Variants in NEB observed in about 807,000 individuals in gnomAD.
NEB encodes the protein nemaline myopathy type 2.
Under a neutral mutation model 952.2 loss-of-function variants are expected in NEB, and 512 were observed. The observed-to-expected ratio is 0.54, with a 90% CI of 0.50 to 0.58. The LOEUF (loss-of-function observed/expected upper bound fraction) is 0.58. NEB is among the 20% of genes least tolerant of loss of function. The pLI, the probability that NEB is intolerant of heterozygous loss-of-function variation, is 0.00. For missense variants in NEB, 8,428 were observed against 9,231.1 expected, an observed-to-expected ratio of 0.91 and a Z score of 3.56; for synonymous variants, 2,900 against 3,149.8, an observed-to-expected ratio of 0.92 and a Z score of 2.66.
chr2:151,650,682 C>T lies in NEB; in HGVS notation c.7119G>A (p.Gln2373=). ...MLGVVLAKKC[Q]ELVSDVDYKN... is the part of the protein sequence containing the mutation. ...TGTAGTCCACGTCACTAACCAACTC[C>T]TGACACTTCTTGGCCAGTACCACTC... Residue 2373 remains glutamine, a synonymous_variant, in exon 53 of 182, where the codon CAG becomes CAA. Transcript: ENST00000397345. 6.2e-7 allele frequency: 1 copy of T among 1,613,898 alleles called. No individual in the cohort carries two copies. The highest frequency in any genetic ancestry group is 8.5e-7 in the Non-Finnish European group (1 of 1,179,818).
Position 151,529,325 on chromosome 2 carries a change from A to G in NEB, c.21631-11T>C. On this transcript the variant is annotated splice_polypyrimidine_tract_variant and intron_variant, in intron 145 of 181. Coordinates refer to ENST00000397345, the MANE Select transcript of NEB (RefSeq NM_001164508.2). The stretch of plus-strand genomic sequence containing the variant: ...TTCTTTGTATTTCAGCTGTGGGAGG[A>G]AACACAGTGACAAGATTAATTTTTT... 1 of 1,540,630 alleles carries G rather than the reference A, an allele frequency of 6.5e-7. No individual in the cohort carries two copies. Among genetic ancestry groups the G allele is most frequent in the Non-Finnish European group, 9.0e-7 (1 of 1,113,134 alleles).
intron 157 of NEB, among the ~76,000 whole-genome samples, chr2:151,515,273 G>A (rs1035395031): frequency 1.3e-5 from 2 of 152,204 alleles, no homozygotes; most frequent in Non-Finnish European, 2.9e-5. Flanking sequence ...TTCTTAAGGT[G>A]ACAAAAGACT....
chr2:151,516,606 T>C, intron 156 of NEB, 43 bp from the exon 157 acceptor site: 2 of 1,268,166 alleles, frequency 1.6e-6, no homozygotes, highest in Non-Finnish European at 1.1e-6. Context: ...CTCTGGTCAA[T>C]TCCTAGACAG....
At chr2:151,702,406 A>G (rs940910671) in intron 13 of NEB, among the ~76,000 whole-genome samples, 23 of 152,066 alleles carry the variant, frequency 1.5e-4, no homozygotes, top group African/African-American at 5.3e-4. Context: ...GCTGAGTTCA[A>G]TTCCTTGATA....
chr2:151,636,428 C>T, intron 63 of NEB, 94 bp from the exon 64 acceptor site: 2 of 954,224 alleles, frequency 2.1e-6, no homozygotes. Context: ...ACAGACAGTG[C>T]CTATAATAAT....
At chr2:151,622,856 T>C (rs1054623978) in intron 71 of NEB, among the ~76,000 whole-genome samples, 3 of 152,214 alleles carry the variant, frequency 2.0e-5, no homozygotes, top group African/African-American at 7.2e-5. Flanking sequence ...TGCTTTTCTA[T>C]CCAGAATTCA....
At chr2:151,562,075 C>A (rs1472482840) in intron 121 of NEB, 35 bp downstream of exon 121, 9 of 1,527,618 alleles carry the variant, frequency 5.9e-6, no homozygotes, top group African/African-American at 1.4e-5. Context: ...TCTGATGACC[C>A]ATGGAGAACC....
At position 151,541,465 on chromosome 2, in the gene NEB, C is replaced by A; in HGVS notation, c.20664G>T (p.Gly6888=). 1 of 1,612,450 alleles carries A rather than the reference C, an allele frequency of 6.2e-7. No homozygotes were observed. The highest frequency in any genetic ancestry group is 8.5e-7 in the Non-Finnish European group (1 of 1,179,124). Residue 6888 remains glycine, a synonymous_variant, in exon 136 of 182, where the codon GGG becomes GGT. Transcript: ENST00000397345. ...AGCTTACCTGACTCTGAAGCTTCTG[C>A]CCTCGCTTGGCTCTTAAAAGATCAG... is the stretch of plus-strand genomic sequence containing the variant. ...DTPDLLRAKR[G]QKLQSQYLYV...
chr2:151,545,841 G>T, intron 135 of NEB, 47 bp downstream of exon 135: 2 of 1,190,310 alleles, frequency 1.7e-6, no homozygotes, highest in Non-Finnish European at 2.5e-6. Context: ...AATTCAGTTT[G>T]TACTGGTCAA....
intron 65 of NEB, among the ~76,000 whole-genome samples, chr2:151,632,778 G>A (rs960380366): frequency 6.6e-6 from 1 of 152,064 alleles, no homozygotes; most frequent in Admixed American, 6.5e-5. Flanking sequence ...TCATATCGCA[G>A]GGTGAGGAAG....
At chr2:151,566,046 TTGAGA>T (rs1366696740) in intron 114 of NEB, among the ~76,000 whole-genome samples, 1 of 152,056 alleles carries the variant, frequency 6.6e-6, no homozygotes, top group Non-Finnish European at 1.5e-5. Context: ...AGTCTAGGAG[TTGAGA>T]TAAGTCATTT....
At chr2:151,560,165 A>C (rs1427404221) in intron 124 of NEB, among the ~76,000 whole-genome samples, 2 of 152,210 alleles carry the variant, frequency 1.3e-5, no homozygotes, top group Non-Finnish European at 2.9e-5. Context: ...TTTCTATTTC[A>C]TTGCTATAAA....
Position 151,629,539 on chromosome 2 carries a change from A to C in NEB, c.9831T>G (p.Asp3277Glu), listed in dbSNP as rs2098613674. 3 of 1,609,194 alleles carry C rather than the reference A, an allele frequency of 1.9e-6. No individual in the cohort carries two copies. The highest frequency in any genetic ancestry group is 2.6e-6 in the Non-Finnish European group (3 of 1,175,574). The change falls in exon 68 of 182, where the codon GAT becomes GAG. Residue 3277 changes from aspartate (D) to glutamate (E), a missense_variant and splice_region_variant. This residue lies in a region of NEB where 1,772 missense variants were observed against 1,960.3 expected (regional missense o/e 0.90). Coordinates refer to ENST00000397345, the MANE Select transcript of NEB (RefSeq NM_001164508.2). ...AAATATCTAGGGTGTTGCTACTCAC[A>C]TCACTGATAACGTCCCTGGAGGCCT... Reference protein sequence around the residue: ...AAKASRDVISDYKYKDGYRKQ... With the variant: ...AAKASRDVISEYKYKDGYRKQ...
Position 151,671,029 on chromosome 2 carries a change from T to C in NEB, c.4500A>G (p.Leu1500=), listed in dbSNP as rs1417451316. ...MVLAQHNTKQ[L]SDLNYKVEGE... ...TTGAAAGGAAAGCACTCACATCACTTAGCTGCTTTGTGTTATGCTGAGCCA... is the reference window on the plus strand; with the variant it reads ...TTGAAAGGAAAGCACTCACATCACTCAGCTGCTTTGTGTTATGCTGAGCCA... Residue 1500 remains leucine (L), a synonymous_variant, in exon 38 of 182, where the codon CTA becomes CTG. Coordinates refer to ENST00000397345, the MANE Select transcript of NEB (RefSeq NM_001164508.2). 6.2e-7 allele frequency: 1 copy of C among 1,613,524 alleles called. No homozygotes were observed. The highest frequency in any genetic ancestry group is 1.1e-5 in the South Asian group (1 of 91,078).
intron 44 of NEB, 52 bp from the exon 45 acceptor site, chr2:151,663,911 T>C (rs1421682258): frequency 6.5e-7 from 1 of 1,527,224 alleles, no homozygotes. Flanking sequence ...GAGAACAAAG[T>C]ACCATTTGCT....
At chr2:151,655,763 C>T (rs1402568923) in intron 50 of NEB, 54 bp downstream of exon 50, 1 of 1,565,252 alleles carries the variant, frequency 6.4e-7, no homozygotes, top group African/African-American at 1.4e-5. Context: ...AGAACCAGAG[C>T]CTGCTAGCCT....
Position 151,643,191 on chromosome 2 carries a change from G to T in NEB, c.8119C>A (p.Pro2707Thr). Residue 2707 changes from proline to threonine, a missense_variant, in exon 58 of 182, where the codon CCA (proline) becomes ACA (threonine). By Grantham distance (38) the Pro-to-Thr change is conservative. Coordinates refer to ENST00000397345, the MANE Select transcript of NEB (RefSeq NM_001164508.2). ...GCATTGTTTTTTGCCAAAACCATTG[G>T]TATGGAATCCATAAGGCTGGAAAAC... ...FKFSSLMDSI[P>T]MVLAKNNAIT... 1 of 1,613,788 alleles carries T rather than the reference G, an allele frequency of 6.2e-7. No individual in the cohort carries two copies. Among genetic ancestry groups the T allele is most frequent in the Non-Finnish European group, 8.5e-7 (1 of 1,179,778 alleles).
At chr2:151,732,600 G>A (rs2099811522) in intron 3 of NEB, among the ~76,000 whole-genome samples, 1 of 152,134 alleles carries the variant, frequency 6.6e-6, no homozygotes, top group Non-Finnish European at 1.5e-5. Flanking sequence ...GTGTGTGTCT[G>A]TGCACATGTG....
intron 8 of NEB, among the ~76,000 whole-genome samples, chr2:151,723,852 A>T (rs2099782987): frequency 6.7e-6 from 1 of 149,046 alleles, no homozygotes; most frequent in Non-Finnish European, 1.5e-5. Context: ...CACTTCACAT[A>T]GTTCAGGGCA....
Sources: gnomAD v4.1 joint callset for allele counts (sites outside exome capture counted in the v4.1 genomes callset) on GRCh38, gnomAD v4.1.1 for gene constraint, gnomAD v4.1.1 regional missense constraint, MANE v1.5 for transcripts, NCBI Gene and HGNC (gene_info 2026-07-23, HGNC 2026-07-21) for gene names.